The following VPS54 variants were observed in gnomAD, a reference collection of about 807,000 sequenced individuals.
VPS54 encodes the protein vacuolar protein sorting-associated protein 54.
VPS54 carries 45 observed loss-of-function variants against 121.5 expected under a neutral mutation model. The ratio of observed to expected loss-of-function variants is 0.37; its 90% confidence interval spans 0.29 to 0.47. The LOEUF (loss-of-function observed/expected upper bound fraction) is 0.47, where lower values mean the gene tolerates loss of function less well. Ranked by LOEUF, VPS54 falls within the 20% of genes least tolerant of loss-of-function variation. The probability of loss-of-function intolerance (pLI) is 0.99; values close to 1 mark genes in which losing one functional copy is unlikely to be tolerated. For synonymous variants in VPS54, 371 were observed against 385.8 expected (o/e 0.96, Z 0.45); for missense variants, 1,090 against 1,131.4 (o/e 0.96, Z 0.52).
chr2:63,979,728 TGA>T (rs1183956712), intron 3 of VPS54, among the ~76,000 whole-genome samples: 4 of 152,136 alleles, frequency 2.6e-5, no homozygotes, highest in Admixed American at 2.0e-4. Flanking sequence ...CTTTCTTCTT[TGA>T]CTCACATTTT....
In VPS54 at chr2:63,965,930, A is replaced by G; in HGVS notation, c.529T>C (p.Leu177=). ...MKPDFALDDS[L]TFNSVLPWSH... is the part of the protein sequence containing the mutation. ...CATGGTAAAACTGAATTAAAAGTTA[A>G]GGAATCATCCAAGGCAAAATCTGGT... The change falls in exon 6 of 23, where the codon TTA becomes CTA. Residue 177 remains leucine, a synonymous_variant. Transcript: ENST00000272322. 2.5e-6 allele frequency: 4 copies of G among 1,611,732 alleles called. No individual in the cohort carries two copies. The highest frequency in any genetic ancestry group is 3.4e-6 in the Non-Finnish European group (4 of 1,179,450).
At position 63,902,302 on chromosome 2, in the gene VPS54, C is replaced by T. The variant is rs796843952; in HGVS notation, c.2626-2721G>A. Among the ~76,000 whole-genome samples, 6 of 152,098 alleles carry T rather than the reference C, an allele frequency of 3.9e-5. 1 individual carries two copies. The highest frequency in any genetic ancestry group is 1.4e-4 in the African/African-American group (6 of 41,484). ...GGGTGAAACCAACACTGAGAAAAAC[C>T]CTCTAACAACACCTCAGGCCCTACA... On this transcript the variant is annotated intron_variant, in intron 20 of 22. Coordinates refer to ENST00000272322, the MANE Select transcript of VPS54 (RefSeq NM_016516.3).
At position 63,966,957 on chromosome 2, in the gene VPS54, T is replaced by A. The variant is rs145769956; in HGVS notation, c.493-991A>T. 5.8e-3 allele frequency among the ~76,000 whole-genome samples: 878 copies of A among 152,348 alleles called. 9 individuals are homozygous for A. The highest frequency in any genetic ancestry group is 0.02 in the African/African-American group (819 of 41,576). On this transcript the variant is annotated intron_variant, in intron 5 of 22. Transcript: ENST00000272322. ...CCAATCAAAAGGGCAAATGTGTCGT[T>A]GTGCATGACATAATGACTCCCATCT...
chr2:63,991,131 C>T (rs1677297944), intron 1 of VPS54, among the ~76,000 whole-genome samples: 1 of 152,138 alleles, frequency 6.6e-6, no homozygotes, highest in South Asian at 2.1e-4. Context: ...ATGCTCTTAC[C>T]ACAGAACAAG....
intron 20 of VPS54, among the ~76,000 whole-genome samples, chr2:63,904,043 T>C (rs569965482): frequency 3.5e-4 from 53 of 152,082 alleles, no homozygotes; most frequent in African/African-American, 1.2e-3. Context: ...AACACAAGGA[T>C]AGTAAGAGAA....
intron 10 of VPS54, among the ~76,000 whole-genome samples, chr2:63,943,230 AAAAGT>A (rs1307689529): frequency 6.6e-6 from 1 of 152,240 alleles, no homozygotes; most frequent in Admixed American, 6.5e-5. Context: ...CAAGGTGAAA[AAAAGT>A]AATACAAATT....
chr2:63,997,838 A>T (rs1008770814), intron 1 of VPS54, among the ~76,000 whole-genome samples: 2 of 152,006 alleles, frequency 1.3e-5, no homozygotes, highest in African/African-American at 4.8e-5. Context: ...TTATAGCTAT[A>T]AACTTTCCTC....
chr2:63,899,695 T>A, intron 20 of VPS54, 114 bp from the exon 21 acceptor site: 1 of 791,328 alleles, frequency 1.3e-6, no homozygotes, highest in Non-Finnish European at 2.0e-6. Flanking sequence ...TCTGGCATAG[T>A]ACTTAAGCTT....
chr2:64,017,400 C>T (rs1277415612), intron 1 of VPS54, among the ~76,000 whole-genome samples: 2 of 151,654 alleles, frequency 1.3e-5, no homozygotes, highest in Non-Finnish European at 2.9e-5. Context: ...CAAAATTTGC[C>T]GTTTCATGGG....
chr2:63,909,311 G>GAATGAAT (rs1382120774), intron 20 of VPS54, among the ~76,000 whole-genome samples: 7 of 151,278 alleles, frequency 4.6e-5, no homozygotes, highest in Non-Finnish European at 7.4e-5. Flanking sequence ...CTTACAGAAT[G>GAATGAAT]AATGAATAAA....
At chr2:64,015,995 A>C (rs1488653521) in intron 1 of VPS54, among the ~76,000 whole-genome samples, 1 of 152,148 alleles carries the variant, frequency 6.6e-6, no homozygotes, top group Non-Finnish European at 1.5e-5. Flanking sequence ...CTAACTTCCA[A>C]AGTCCCATTT....
chr2:63,961,979 C>G, intron 7 of VPS54, 79 bp downstream of exon 7: 2 of 1,381,158 alleles, frequency 1.4e-6, no homozygotes, highest in Non-Finnish European at 1.9e-6. Context: ...AATATATTCA[C>G]ACTTTTAACA....
At position 63,893,413 on chromosome 2, in the gene VPS54, A is replaced by T. The variant is rs771102675; in HGVS notation, c.*17T>A. The T allele has an allele frequency of 1.2e-6, 2 of 1,600,656 alleles. No individual in the cohort carries two copies. Among genetic ancestry groups the T allele is most frequent in the Non-Finnish European group, 1.7e-6 (2 of 1,167,846 alleles). On this transcript the variant is annotated 3_prime_UTR_variant, in exon 23 of 23. Coordinates refer to ENST00000272322, the MANE Select transcript of VPS54 (RefSeq NM_016516.3). ...CATCCCATGGTCAGATGAACTACCC[A>T]GTTTTCCAGGATGACATCACCTCTT... is the stretch of plus-strand genomic sequence containing the variant.
At position 63,892,838 on chromosome 2, in the gene VPS54, A is replaced by G. The variant is rs1211655222; in HGVS notation, c.*592T>C. The G allele has an allele frequency of 6.5e-6, 1 of 152,684 alleles. No individual in the cohort carries two copies. The highest frequency in any genetic ancestry group is 1.5e-5 in the Non-Finnish European group (1 of 68,332). 9.5% of individuals were successfully genotyped at this position (152,684 alleles called of 1,614,324 possible). ...CATACGGTGGTAGTAGAAATATTAA[A>G]TATGCAACACACAAAGCCTGCAACT... On this transcript the variant is annotated 3_prime_UTR_variant, in exon 23 of 23. Transcript: ENST00000272322.
chr2:63,975,947 G>A (rs973509972), intron 3 of VPS54, among the ~76,000 whole-genome samples: 3 of 152,174 alleles, frequency 2.0e-5, no homozygotes, highest in African/African-American at 7.2e-5. Context: ...GTTTCACCAC[G>A]TTGGCCAGGC....
At chr2:63,949,937 T>C (rs1675161530) in intron 7 of VPS54, among the ~76,000 whole-genome samples, 1 of 152,224 alleles carries the variant, frequency 6.6e-6, no homozygotes, top group Non-Finnish European at 1.5e-5. Flanking sequence ...GCTGCCAGAT[T>C]GTCTAATGTC....
intron 20 of VPS54, among the ~76,000 whole-genome samples, chr2:63,900,751 GGT>G (rs1672645312): frequency 6.9e-6 from 1 of 145,152 alleles, no homozygotes; most frequent in Non-Finnish European, 1.6e-5. Flanking sequence ...TCTCAAATCT[GGT>G]TTTTTTTGTT....
intron 20 of VPS54, among the ~76,000 whole-genome samples, 179 bp downstream of exon 20, chr2:63,912,166 G>A (rs1186343963): frequency 3.9e-5 from 6 of 152,120 alleles, no homozygotes; most frequent in Non-Finnish European, 8.8e-5. Context: ...ACTATGGGGG[G>A]TCTTGGTCAC....
intron 1 of VPS54, among the ~76,000 whole-genome samples, chr2:63,996,210 T>C (rs1576005214): frequency 6.6e-6 from 1 of 152,250 alleles, no homozygotes; most frequent in East Asian, 1.9e-4. Flanking sequence ...GAAGATTTCA[T>C]GGACAATTTG....
Sources: gnomAD v4.1 joint callset for allele counts (sites outside exome capture counted in the v4.1 genomes callset) on GRCh38, gnomAD v4.1.1 for gene constraint, MANE v1.5 for transcripts, NCBI Gene and HGNC (gene_info 2026-07-23, HGNC 2026-07-21) for gene names.